The following PREX1 variants were observed in gnomAD, a reference collection of about 807,000 sequenced individuals.
PREX1 encodes phosphatidylinositol-3,4,5-trisphosphate dependent Rac exchange factor 1, also known as phosphatidylinositol 3,4,5-trisphosphate-dependent Rac exchanger 1 protein.
A neutral mutation model predicts 198.3 loss-of-function variants in PREX1; 41 were observed. That is an observed-to-expected ratio of 0.21 (90% confidence interval 0.16 to 0.27). The LOEUF is 0.27. PREX1 is among the 10% of genes least tolerant of loss of function. PREX1 has a pLI of 1.00. For synonymous variants in PREX1, 843 were observed against 887.2 expected (o/e 0.95, Z 0.89); for missense variants, 1,620 against 2,200.7 (o/e 0.74, Z 5.28).
At chr20:48,817,310 A>G (rs2090463488) in intron 1 of PREX1, among the ~76,000 whole-genome samples, 1 of 152,232 alleles carries the variant, frequency 6.6e-6, no homozygotes, top group African/African-American at 2.4e-5. Context: ...GCAAGGGACC[A>G]CTTGGTCAAA....
At chr20:48,634,175 CATGGATGGATGGATGG>C (rs779106334) in intron 33 of PREX1, among the ~76,000 whole-genome samples, 1 of 75,022 alleles carries the variant, frequency 1.3e-5, no homozygotes, top group African/African-American at 5.2e-5. Flanking sequence ...TGGATGGATG[CATGGATGGATGGATGG>C]ATGGATGGAT....
chr20:48,659,049 C>A (rs965941039), intron 16 of PREX1, among the ~76,000 whole-genome samples: 59 of 150,920 alleles, frequency 3.9e-4, no homozygotes, highest in African/African-American at 1.4e-3. Flanking sequence ...GGCAACATAG[C>A]AAAACCCTGT....
intron 10 of PREX1, among the ~76,000 whole-genome samples, chr20:48,681,870 G>A (rs2089753748): frequency 6.6e-6 from 1 of 152,162 alleles, no homozygotes; most frequent in Non-Finnish European, 1.5e-5. Flanking sequence ...TGGCTAGATG[G>A]AGTGGTGGCT....
chr20:48,686,554 T>G (rs2089785823), intron 10 of PREX1, among the ~76,000 whole-genome samples: 1 of 152,088 alleles, frequency 6.6e-6, no homozygotes, highest in African/African-American at 2.4e-5. Flanking sequence ...GATGGGAAGG[T>G]TCTCTGGCCC....
At chr20:48,750,065 A>G (rs2869671) in intron 1 of PREX1, among the ~76,000 whole-genome samples, 54,316 of 151,216 alleles carry the variant, frequency 0.36, 10,537 homozygotes, top group Non-Finnish European at 0.43. Flanking sequence ...CTCACACCGA[A>G]CTCTTCCCCA....
chr20:48,663,133 C>T (rs2089609351), intron 15 of PREX1, among the ~76,000 whole-genome samples: 1 of 152,186 alleles, frequency 6.6e-6, no homozygotes, highest in Non-Finnish European at 1.5e-5. Context: ...AAGAGTGAGT[C>T]CTATTCCCAC....
At chr20:48,846,186 C>G in the PREX1 span, among the ~76,000 whole-genome samples, 1 of 152,114 alleles carries the variant, frequency 6.6e-6, no homozygotes, top group Non-Finnish European at 1.5e-5. Flanking sequence ...TAAATCAAAG[C>G]CTGGCCTAGA....
the PREX1 span, among the ~76,000 whole-genome samples, chr20:48,869,069 C>T: frequency 6.6e-6 from 1 of 151,740 alleles, no homozygotes; most frequent in African/African-American, 2.4e-5. Context: ...AGATGGGGGT[C>T]TCACTATGTC....
intron 7 of PREX1, among the ~76,000 whole-genome samples, chr20:48,700,240 C>T (rs1377121768): frequency 6.6e-6 from 1 of 152,220 alleles, no homozygotes; most frequent in Non-Finnish European, 1.5e-5. Context: ...CTTAGAATTA[C>T]AGGATGTGGG....
chr20:48,745,463 A>T (rs1345520111), intron 2 of PREX1, among the ~76,000 whole-genome samples: 3 of 152,262 alleles, frequency 2.0e-5, no homozygotes, highest in Admixed American at 2.0e-4. Flanking sequence ...ACCAAGGCTC[A>T]GATAAAATAA....
intron 1 of PREX1, among the ~76,000 whole-genome samples, chr20:48,773,396 C>T (rs1258715098): frequency 6.6e-6 from 1 of 152,154 alleles, no homozygotes; most frequent in Non-Finnish European, 1.5e-5. Flanking sequence ...AAGTGCCCCA[C>T]ACTAGCCCCT....
At chr20:48,769,872 T>C (rs2122875394) in intron 1 of PREX1, among the ~76,000 whole-genome samples, 1 of 152,326 alleles carries the variant, frequency 6.6e-6, no homozygotes, top group East Asian at 1.9e-4. Context: ...CAAATTTTCC[T>C]TGGCTGACAC....
At chr20:48,669,338 A>ATT (rs2089660291) in intron 14 of PREX1, among the ~76,000 whole-genome samples, 1 of 152,074 alleles carries the variant, frequency 6.6e-6, no homozygotes, top group African/African-American at 2.4e-5. Flanking sequence ...TCCTCTCAAT[A>ATT]AACGCTCACC....
chr20:48,818,971 C>A (rs911000862), intron 1 of PREX1, among the ~76,000 whole-genome samples: 1 of 152,168 alleles, frequency 6.6e-6, no homozygotes, highest in Admixed American at 6.5e-5. Flanking sequence ...TAACCCAGTA[C>A]CCACAGGAAA....
chr20:48,797,953 G>A (rs1282196933), intron 1 of PREX1, among the ~76,000 whole-genome samples: 1 of 152,206 alleles, frequency 6.6e-6, no homozygotes, highest in African/African-American at 2.4e-5. Context: ...ATTCAAGGGG[G>A]TGCCCAAAGC....
chr20:48,772,902 G>C (rs918533923), intron 1 of PREX1, among the ~76,000 whole-genome samples: 2 of 152,200 alleles, frequency 1.3e-5, no homozygotes, highest in African/African-American at 4.8e-5. Context: ...TCCACAACAA[G>C]AGCTACTAAA....
intron 1 of PREX1, among the ~76,000 whole-genome samples, chr20:48,814,302 A>C (rs555759874): frequency 6.6e-6 from 1 of 152,372 alleles, no homozygotes; most frequent in South Asian, 2.1e-4. Flanking sequence ...CATGCAACTT[A>C]CATTCTAATG....
intron 1 of PREX1, among the ~76,000 whole-genome samples, chr20:48,748,402 C>A (rs2090119126): frequency 6.6e-6 from 1 of 152,124 alleles, no homozygotes. Flanking sequence ...CTACAGGAAC[C>A]CCAGCTACTA....
chr20:48,772,636 G>A (rs1485363613), intron 1 of PREX1, among the ~76,000 whole-genome samples: 12 of 152,190 alleles, frequency 7.9e-5, no homozygotes, highest in Non-Finnish European at 1.0e-4. Context: ...TATACAAATC[G>A]CTTCATGTCT....
Sources: allele counts gnomAD v4.1 joint callset (sites outside exome capture counted in the v4.1 genomes callset), GRCh38; gene constraint gnomAD v4.1.1; transcripts MANE v1.5; gene names NCBI Gene and HGNC (gene_info 2026-07-23, HGNC 2026-07-21).